SPATA13: variants seen among roughly 807,000 people sequenced by gnomAD.
SPATA13 encodes spermatogenesis associated 13.
A neutral mutation model predicts 104.0 loss-of-function variants in SPATA13; 50 were observed. The ratio of observed to expected loss-of-function variants is 0.48; its 90% CI spans 0.38 to 0.61. The LOEUF is 0.61. Among genes scored for constraint, SPATA13 ranks in the 20% least tolerant of loss-of-function variants. SPATA13 has a pLI of 0.00. For synonymous variants in SPATA13, 606 were observed against 667.5 expected (o/e 0.91, Z 1.42); for missense variants, 1,524 against 1,690.6 (o/e 0.90, Z 1.73).
intron 1 of SPATA13, among the ~76,000 whole-genome samples, chr13:24,195,789 C>T (rs1024741283): frequency 5.3e-5 from 8 of 152,056 alleles, no homozygotes; most frequent in Non-Finnish European, 7.3e-5. Flanking sequence ...TGTGGGAGAA[C>T]TTAAATTGGT....
rs559828885 is a variant in SPATA13, at chr13:24,305,519, T to C, written c.*2746T>C. The C allele has an allele frequency of 6.6e-6, 1 of 152,376 alleles. No individual in the cohort carries two copies. Among genetic ancestry groups the C allele is most frequent in the African/African-American group, 2.4e-5 (1 of 41,596 alleles). 9.4% of individuals were successfully genotyped at this position (152,376 alleles called of 1,614,324 possible). A position where few individuals can be genotyped will look rare whatever the true frequency, so the allele number is the denominator to read the frequency against. ...GTTCTTCAAGAATGGAAGGCTCAAG[T>C]ATTCTCATCTTCCATTTGCCAAACT... On this transcript the variant is annotated 3_prime_UTR_variant, in exon 13 of 13. Transcript: ENST00000382108.
intron 1 of SPATA13, among the ~76,000 whole-genome samples, chr13:24,169,611 C>T (rs528043434): frequency 1.3e-5 from 2 of 152,264 alleles, no homozygotes; most frequent in African/African-American, 4.8e-5. Flanking sequence ...CATGTGGCTC[C>T]GGGAGCATCA....
At position 24,090,800 on chromosome 13, in the gene SPATA13, A is replaced by G. The variant is rs562468001; in HGVS notation, c.-112+73099A>G. On this transcript the variant is annotated intron_variant, in intron 3 of 14. Transcript: ENST00000424834. Reference sequence around the variant, plus strand: ...CATCTGGGCCCCTTGGACAGTTTCTATTGACTGCTTTATTTCCTGTGTGCA... The same window carrying G: ...CATCTGGGCCCCTTGGACAGTTTCTGTTGACTGCTTTATTTCCTGTGTGCA... Among the ~76,000 whole-genome samples the G allele has an allele frequency of 1.2e-4, 19 of 152,292 alleles. No individual in the cohort carries two copies. The South Asian group carries it at 3.7e-3, about 30-fold the overall frequency.
At chr13:24,246,661 C>T (rs1873155068) in intron 2 of SPATA13, among the ~76,000 whole-genome samples, 1 of 152,122 alleles carries the variant, frequency 6.6e-6, no homozygotes, top group African/African-American at 2.4e-5. Context: ...AGTTCGAGAC[C>T]ATTCTGGCCA....
intron 4 of SPATA13, among the ~76,000 whole-genome samples, chr13:24,262,326 T>C (rs201119748): frequency 6.7e-6 from 1 of 150,348 alleles, no homozygotes; most frequent in East Asian, 1.9e-4. Context: ...TTTTTTTAGC[T>C]CTTTTGTGGT....
At chr13:24,273,438 T>C (rs186653977) in intron 4 of SPATA13, among the ~76,000 whole-genome samples, 2 of 152,340 alleles carry the variant, frequency 1.3e-5, no homozygotes, top group East Asian at 3.9e-4. Flanking sequence ...ATCTTATTGT[T>C]GTCCACATGT....
intron 3 of SPATA13, among the ~76,000 whole-genome samples, chr13:24,153,024 C>T (rs1303339224): frequency 6.6e-6 from 1 of 152,162 alleles, no homozygotes; most frequent in Non-Finnish European, 1.5e-5. Flanking sequence ...CAGTGTTGTG[C>T]GTGTGTGTGA....
intron 3 of SPATA13, among the ~76,000 whole-genome samples, chr13:24,023,025 G>A (rs1388390322): frequency 6.6e-6 from 1 of 151,992 alleles, no homozygotes; most frequent in Non-Finnish European, 1.5e-5. Context: ...GTACCATGCT[G>A]GCCCGCTGCA....
intron 3 of SPATA13, among the ~76,000 whole-genome samples, chr13:24,089,325 C>T (rs964467967): frequency 3.9e-5 from 6 of 152,162 alleles, no homozygotes; most frequent in African/African-American, 9.7e-5. Flanking sequence ...ACACACCACT[C>T]GGACCACATT....
At chr13:24,165,966 G>C (rs1024045519) in intron 1 of SPATA13, among the ~76,000 whole-genome samples, 101 of 152,260 alleles carry the variant, frequency 6.6e-4, no homozygotes, top group African/African-American at 2.2e-3. Flanking sequence ...ATAGCTAAAA[G>C]AAAAATAGCC....
chr13:24,140,013 G>T (rs1881704259), intron 3 of SPATA13, among the ~76,000 whole-genome samples: 1 of 150,944 alleles, frequency 6.6e-6, no homozygotes, highest in South Asian at 2.1e-4. Flanking sequence ...GCTTGGCAGT[G>T]AGCCAAGGTC....
At position 24,266,236 on chromosome 13, in the gene SPATA13, T is replaced by C. The variant is rs756198497; in HGVS notation, c.2164+14374T>C. Among the ~76,000 whole-genome samples, 108 of 152,320 alleles carry C rather than the reference T, an allele frequency of 7.1e-4. 1 individual carries two copies. The highest frequency in any genetic ancestry group is 1.0e-3 in the Non-Finnish European group (68 of 68,014). On this transcript the variant is annotated intron_variant, in intron 4 of 12. Transcript: ENST00000382108. ...AAAATAACTTTCTGTATCTATAGAA[T>C]AAAATTGATCATAACATCCTATGTG...
At position 24,068,405 on chromosome 13, in the gene SPATA13, C is replaced by A. The variant is rs80243664; in HGVS notation, c.-112+50704C>A. On this transcript the variant is annotated intron_variant, in intron 3 of 14. Coordinates refer to the SPATA13 transcript ENST00000424834. ...CAATCTGTCTAGGTTGATTCCATGT[C>A]TTTGCTATTGTTAATTAGTGCTGTG... is the stretch of plus-strand genomic sequence containing the variant. 2.8e-3 allele frequency among the ~76,000 whole-genome samples: 432 copies of A among 152,222 alleles called. 14 individuals carry two copies. In the East Asian group the frequency reaches 0.062, roughly 22 times the overall value.
At chr13:24,144,449 G>A (rs1190469501) in intron 3 of SPATA13, among the ~76,000 whole-genome samples, 3 of 152,162 alleles carry the variant, frequency 2.0e-5, no homozygotes, top group Non-Finnish European at 4.4e-5. Context: ...AACTAGGCCA[G>A]GTGCTACCCA....
rs568134847 is a variant in SPATA13, at chr13:24,306,873, G to A, written c.*4100G>A. On this transcript the variant is annotated 3_prime_UTR_variant, in exon 13 of 13. Transcript: ENST00000382108. ...TCAAGATGATGTGTCATCTGTATAG[G>A]TCAAAGAATGGGACTTCTGAACTGA... is the stretch of plus-strand genomic sequence containing the variant. The A allele has an allele frequency of 2.6e-5, 4 of 152,254 alleles. No homozygotes were observed. The highest frequency in any genetic ancestry group is 9.6e-5 in the African/African-American group (4 of 41,524). The allele number at this position is 152,254 out of a possible 1,614,324, so 9.4% of individuals were successfully genotyped here.
In SPATA13 at chr13:24,224,240, G is replaced by C; in HGVS notation, c.1311G>C (p.Gln437His). ...GCTCTTTGCCAAGCCCGATTGTCCA[G>C]GATGTGTTGAGCAAAGACTCCTGTG... ...TCSSLPSPIV[Q>H]DVLSKDSCDP... The change falls in exon 2 of 13, where the codon CAG becomes CAC. Residue 437 changes from glutamine (Q) to histidine (H), a missense_variant. Physicochemically the swap from Gln to His is conservative, Grantham distance 24 (BLOSUM62 0). This residue lies in a region of SPATA13 where 1,089 missense variants were observed against 1,135.9 expected (regional missense o/e 0.96). Transcript: ENST00000382108. The C allele has an allele frequency of 2.6e-6, 4 of 1,551,742 alleles. No homozygotes were observed. Among genetic ancestry groups the C allele is most frequent in the Non-Finnish European group, 3.5e-6 (4 of 1,147,006 alleles).
intron 3 of SPATA13, among the ~76,000 whole-genome samples, chr13:24,106,395 G>T (rs966146940): frequency 6.6e-6 from 1 of 152,160 alleles, no homozygotes; most frequent in African/African-American, 2.4e-5. Context: ...GAAACCAAAA[G>T]TTATTTTTCT....
At chr13:24,240,478 T>C (rs1872778704) in intron 2 of SPATA13, among the ~76,000 whole-genome samples, 1 of 152,002 alleles carries the variant, frequency 6.6e-6, no homozygotes. Context: ...GACACGTGTC[T>C]ATGATGTGAG....
rs572083529 is a variant in SPATA13 at position 24,302,105 on chromosome 13, C to T, written c.3659-493C>T. Among the ~76,000 whole-genome samples, 8 of 152,244 alleles carry T rather than the reference C, an allele frequency of 5.3e-5. No individual in the cohort carries two copies. In the South Asian group the frequency reaches 1.7e-3, roughly 32 times the overall value. On this transcript the variant is annotated intron_variant, in intron 12 of 12. Transcript: ENST00000382108. The stretch of plus-strand genomic sequence containing the variant: ...ACTGTCAGTCTGGTTCAGATTCTGC[C>T]ACTTCCCGCTGCACGTCCTGGCATT...
Sources: gnomAD v4.1 joint callset for allele counts (sites outside exome capture counted in the v4.1 genomes callset) on GRCh38, gnomAD v4.1.1 for gene constraint, gnomAD v4.1.1 regional missense constraint, MANE v1.5 for transcripts, NCBI Gene and HGNC (gene_info 2026-07-23, HGNC 2026-07-21) for gene names.